The following FAR2 variants were observed in gnomAD, a reference collection of about 807,000 sequenced individuals.
The protein encoded by FAR2 is epididymis secretory protein Li 81.
In FAR2, 19 loss-of-function variants were observed where a neutral mutation model predicts 56.0. That is an observed-to-expected ratio of 0.34 (90% CI 0.24 to 0.50). The LOEUF (loss-of-function observed/expected upper bound fraction) is 0.50, where lower values mean the gene tolerates loss of function less well. Ranked by LOEUF, FAR2 falls within the 20% of genes least tolerant of loss-of-function variation. FAR2 has a pLI of 0.98. For synonymous variants in FAR2, 219 were observed against 218.8 expected (o/e 1.00, Z -0.01); for missense variants, 508 against 642.2 (o/e 0.79, Z 2.26).
At chr12:29,240,779 T>TTGTG (rs1332908742) in intron 1 of FAR2, among the ~76,000 whole-genome samples, 2 of 149,720 alleles carry the variant, frequency 1.3e-5, no homozygotes, top group African/African-American at 5.0e-5. Context: ...AGGAATGTCA[T>TTGTG]TGTGTGTGTG....
intron 1 of FAR2, among the ~76,000 whole-genome samples, chr12:29,253,860 AG>A (rs1180799922): frequency 2.6e-5 from 4 of 152,236 alleles, no homozygotes; most frequent in Admixed American, 2.0e-4. Context: ...CATAGTGTGT[AG>A]CACATAGTAG....
intron 9 of FAR2, among the ~76,000 whole-genome samples, chr12:29,320,683 T>G (rs112784501): frequency 0.03 from 4,583 of 152,314 alleles, 99 homozygotes; most frequent in Middle Eastern, 0.054. Flanking sequence ...TATGGGACCT[T>G]GAGCATAATC....
chr12:29,276,741 T>C (rs1404404359), intron 2 of FAR2, among the ~76,000 whole-genome samples: 1 of 152,078 alleles, frequency 6.6e-6, no homozygotes, highest in African/African-American at 2.4e-5. Context: ...CCCTTTGAAA[T>C]TGAAAATTCA....
chr12:29,275,322 G>A (rs375895050), intron 2 of FAR2, among the ~76,000 whole-genome samples: 2 of 151,974 alleles, frequency 1.3e-5, no homozygotes, highest in East Asian at 1.9e-4. Flanking sequence ...TTCACAAGAC[G>A]ATGTCATCAG....
intron 4 of FAR2, among the ~76,000 whole-genome samples, chr12:29,304,629 AATAC>A (rs1426534566): frequency 6.6e-6 from 1 of 152,208 alleles, no homozygotes; most frequent in Non-Finnish European, 1.5e-5. Context: ...TCATTCAGTA[AATAC>A]ATAAATAAAC....
chr12:29,311,966 A>C lies in FAR2; in HGVS notation c.955+16A>C. On this transcript the variant is annotated intron_variant, in intron 8 of 11. Transcript: ENST00000536681. Reference sequence around the variant, plus strand: ...CACAAAATGGGTAAGTACTTTAGCTATGTAACTCTATAATTACTAGTGTCT... The same window carrying C: ...CACAAAATGGGTAAGTACTTTAGCTCTGTAACTCTATAATTACTAGTGTCT... 1 of 1,579,412 alleles carries C rather than the reference A, an allele frequency of 6.3e-7. No individual in the cohort carries two copies.
chr12:29,315,174 T>A (rs1303354459), intron 8 of FAR2, among the ~76,000 whole-genome samples: 1 of 152,130 alleles, frequency 6.6e-6, no homozygotes, highest in Non-Finnish European at 1.5e-5. Flanking sequence ...TGATAAGGTG[T>A]CATCTTAGCA....
intron 2 of FAR2, among the ~76,000 whole-genome samples, chr12:29,279,322 A>G (rs1442332002): frequency 2.0e-5 from 3 of 152,362 alleles, no homozygotes; most frequent in African/African-American, 2.4e-5. Context: ...AAGAGAGAAC[A>G]CTTGCCTCGG....
intron 1 of FAR2, among the ~76,000 whole-genome samples, chr12:29,177,791 T>G (rs1188378939): frequency 6.6e-6 from 1 of 151,996 alleles, no homozygotes; most frequent in African/African-American, 2.4e-5. Context: ...AGATTACATG[T>G]AATTATTAAC....
intron 1 of FAR2, among the ~76,000 whole-genome samples, chr12:29,174,461 G>A (rs1426270260): frequency 8.3e-6 from 1 of 121,002 alleles, no homozygotes; most frequent in Non-Finnish European, 1.6e-5. Context: ...TTGTGAGATG[G>A]AGTCTTGCTG....
At chr12:29,309,251 A>T in intron 6 of FAR2, 21 bp downstream of exon 6, 1 of 1,567,772 alleles carries the variant, frequency 6.4e-7, no homozygotes. Context: ...TGATGAAGAA[A>T]TAACTCCCTG....
At chr12:29,314,172 C>T (rs1949404954) in intron 8 of FAR2, among the ~76,000 whole-genome samples, 1 of 152,128 alleles carries the variant, frequency 6.6e-6, no homozygotes. Context: ...TCTACTTGTC[C>T]TTCAGATCAG....
chr12:29,236,123 A>G (rs1314618138), intron 1 of FAR2, among the ~76,000 whole-genome samples: 1 of 152,222 alleles, frequency 6.6e-6, no homozygotes, highest in Non-Finnish European at 1.5e-5. Context: ...ATCATTATAC[A>G]TTGTATACAT....
intron 1 of FAR2, among the ~76,000 whole-genome samples, chr12:29,258,216 G>A (rs567315358): frequency 2.0e-5 from 3 of 151,518 alleles, no homozygotes; most frequent in African/African-American, 7.3e-5. Flanking sequence ...TTAGCCAGGC[G>A]TAGTGGCAGG....
chr12:29,297,388 G>A (rs979702726), intron 4 of FAR2, among the ~76,000 whole-genome samples, 188 bp downstream of exon 4: 1 of 152,176 alleles, frequency 6.6e-6, no homozygotes, highest in Admixed American at 6.5e-5. Flanking sequence ...AAAAGAGAAG[G>A]GGGATAGAAA....
rs59715624 is a variant in FAR2 at position 29,214,681 on chromosome 12, C to T, written c.-38-55731C>T. On this transcript the variant is annotated intron_variant, in intron 1 of 11. Coordinates refer to ENST00000536681, the MANE Select transcript of FAR2 (RefSeq NM_001271783.2). ...ACTAAAAATAAAAAAATTAGCTAGG[C>T]GTGGGGGTGGGTGCCTGTAATCCCA... Among the ~76,000 whole-genome samples, 320 of 151,660 alleles carry T rather than the reference C, an allele frequency of 2.1e-3. 2 individuals are homozygous for T. The East Asian group carries it at 0.036, about 17-fold the overall frequency.
At chr12:29,207,161 G>A (rs753759662) in intron 1 of FAR2, among the ~76,000 whole-genome samples, 2 of 152,118 alleles carry the variant, frequency 1.3e-5, no homozygotes, top group Non-Finnish European at 2.9e-5. Context: ...CTTCTGTTGA[G>A]GACAATGGAG....
chr12:29,159,062 C>CT (rs1319239695), intron 1 of FAR2, among the ~76,000 whole-genome samples: 1 of 152,196 alleles, frequency 6.6e-6, no homozygotes, highest in Non-Finnish European at 1.5e-5. Context: ...AATTTTAGTA[C>CT]TCCCTACTCT....
chr12:29,206,979 A>C (rs1343570403), intron 1 of FAR2, among the ~76,000 whole-genome samples: 1 of 152,116 alleles, frequency 6.6e-6, no homozygotes, highest in Non-Finnish European at 1.5e-5. Context: ...GAAGAAGGAC[A>C]TAAAGGTTTC....
Sources: gnomAD v4.1 joint callset for allele counts (sites outside exome capture counted in the v4.1 genomes callset) on GRCh38, gnomAD v4.1.1 for gene constraint, MANE v1.5 for transcripts, NCBI Gene and HGNC (gene_info 2026-07-23, HGNC 2026-07-21) for gene names.